TRAPPC9: variants seen among roughly 807,000 people sequenced by gnomAD.
TRAPPC9 encodes the protein IKK2 binding protein.
In TRAPPC9, 83 loss-of-function variants were observed where a neutral mutation model predicts 124.0. The observed-to-expected ratio is 0.67, with a 90% CI of 0.56 to 0.80. The LOEUF is 0.80. TRAPPC9 is among the 30% of genes least tolerant of loss of function. The probability of loss-of-function intolerance (pLI) is 0.00; values close to 1 mark genes in which losing one functional copy is unlikely to be tolerated. For synonymous variants in TRAPPC9, 638 were observed against 617.5 expected, an observed-to-expected ratio of 1.03 and a Z score of -0.49; for missense variants, 1,302 against 1,508.3, an observed-to-expected ratio of 0.86 and a Z score of 2.27.
intron 14 of TRAPPC9, among the ~76,000 whole-genome samples, chr8:140,282,459 C>A (rs13255843): frequency 6.7e-6 from 1 of 149,656 alleles, no homozygotes; most frequent in Non-Finnish European, 1.5e-5. Flanking sequence ...GCCGAGATTG[C>A]GCCACTGCAC....
intron 17 of TRAPPC9, among the ~76,000 whole-genome samples, chr8:140,191,790 A>G (rs1459003042): frequency 6.6e-6 from 1 of 152,212 alleles, no homozygotes; most frequent in Admixed American, 6.5e-5. Flanking sequence ...ATTTCCCCCA[A>G]TAAATACTAT....
intron 19 of TRAPPC9, among the ~76,000 whole-genome samples, chr8:139,951,854 C>T (rs1047957640): frequency 4.6e-5 from 7 of 152,312 alleles, no homozygotes; most frequent in East Asian, 3.9e-4. Context: ...GCTCTTGAAA[C>T]GCTTAAGGCC....
chr8:140,142,157 A>G (rs1233879153), intron 17 of TRAPPC9, among the ~76,000 whole-genome samples: 1 of 152,192 alleles, frequency 6.6e-6, no homozygotes, highest in African/African-American at 2.4e-5. Context: ...TGTTGGGAGG[A>G]AAGGTGCCTA....
chr8:140,308,803 C>T (rs1235256233), intron 10 of TRAPPC9, among the ~76,000 whole-genome samples: 1 of 151,970 alleles, frequency 6.6e-6, no homozygotes, highest in Non-Finnish European at 1.5e-5. Flanking sequence ...ATCACTTGAA[C>T]CCGGGAGGTG....
intron 2 of TRAPPC9, among the ~76,000 whole-genome samples, chr8:140,445,524 G>A (rs990931231): frequency 2.0e-5 from 3 of 152,198 alleles, no homozygotes; most frequent in African/African-American, 7.2e-5. Context: ...GCTGCCAGGA[G>A]AGCAGGGGAG....
At chr8:139,741,083 C>T (rs188207824) in intron 21 of TRAPPC9, among the ~76,000 whole-genome samples, 70 of 152,314 alleles carry the variant, frequency 4.6e-4, no homozygotes, top group Non-Finnish European at 9.3e-4. Context: ...CCTGCCCTAC[C>T]TGCACCCACG....
chr8:140,430,066 G>A (rs1184813695), intron 4 of TRAPPC9, among the ~76,000 whole-genome samples: 1 of 149,970 alleles, frequency 6.7e-6, no homozygotes, highest in African/African-American at 2.5e-5. Context: ...AGAATCACTC[G>A]AACCCGGGAC....
At chr8:140,100,408 G>T (rs1226335591) in intron 17 of TRAPPC9, 2 of 152,244 alleles carry the variant, frequency 1.3e-5, no homozygotes, top group Admixed American at 6.5e-5. Context: ...GGGTACTGAC[G>T]GTCACCCAGG....
intron 17 of TRAPPC9, among the ~76,000 whole-genome samples, chr8:140,033,505 G>T (rs910345336): frequency 1.3e-5 from 2 of 150,564 alleles, no homozygotes; most frequent in Non-Finnish European, 3.0e-5. Flanking sequence ...TCTCGGAGAA[G>T]CCACAAAAAG....
At chr8:140,189,056 A>T (rs912167713) in intron 17 of TRAPPC9, among the ~76,000 whole-genome samples, 3 of 152,240 alleles carry the variant, frequency 2.0e-5, no homozygotes, top group African/African-American at 7.2e-5. Flanking sequence ...CCCATACCAT[A>T]CACAAATATT....
At position 140,275,612 on chromosome 8, in the gene TRAPPC9, A is replaced by G. The variant is rs370721900; in HGVS notation, c.2278+46T>C. On this transcript the variant is annotated intron_variant, in intron 15 of 22. Coordinates refer to ENST00000438773, the MANE Select transcript of TRAPPC9 (RefSeq NM_001160372.4). ...AATTTAAAGTATCTCTTCTACAAGT[A>G]AACAATACAAACATTCCCAGGGTCA... The G allele has an allele frequency of 8.7e-5, 139 of 1,590,476 alleles. 1 individual carries two copies. Among genetic ancestry groups the G allele is most frequent in the Non-Finnish European group, 1.1e-4 (131 of 1,158,694 alleles).
chr8:140,175,666 G>A (rs1487742698), intron 17 of TRAPPC9, among the ~76,000 whole-genome samples: 3 of 152,160 alleles, frequency 2.0e-5, no homozygotes, highest in Non-Finnish European at 2.9e-5. Context: ...GACATCCACG[G>A]GTTTAATCCT....
intron 21 of TRAPPC9, among the ~76,000 whole-genome samples, chr8:139,813,555 G>A (rs1262740905): frequency 2.6e-5 from 4 of 152,244 alleles, no homozygotes; most frequent in African/African-American, 9.6e-5. Context: ...CCTGAACACC[G>A]TTCCCAGCAC....
intron 8 of TRAPPC9, among the ~76,000 whole-genome samples, chr8:140,367,520 G>C (rs534059407): frequency 6.6e-6 from 1 of 152,276 alleles, no homozygotes; most frequent in South Asian, 2.1e-4. Flanking sequence ...ACTCTGGAAA[G>C]GCAAAACTAT....
In TRAPPC9 at chr8:139,907,472, CCT is replaced by C. The variant is rs1175326031; in HGVS notation, c.2964+2673_2964+2674del. 2.7e-5 allele frequency among the ~76,000 whole-genome samples: 4 copies of C among 150,866 alleles called. No homozygotes were observed. The highest frequency in any genetic ancestry group is 5.9e-5 in the Non-Finnish European group (4 of 67,912). On this transcript the variant is annotated intron_variant, in intron 20 of 22. Transcript: ENST00000438773. The surrounding 1 kb of genome is among the most constrained non-coding windows in gnomAD (Gnocchi z 4.7). Reference sequence around the variant, plus strand: ...TTTACAATAGCAAAATTCTGCTATTCCTCTGACACCAGATGTCATCAACAGAT... The same window carrying C: ...TTTACAATAGCAAAATTCTGCTATTCCTGACACCAGATGTCATCAACAGAT...
In TRAPPC9 at chr8:140,311,377, G is replaced by A. The variant is rs942972668; in HGVS notation, c.1496-3C>T. On this transcript the variant is annotated splice_polypyrimidine_tract_variant and splice_region_variant and intron_variant, in intron 9 of 22. Transcript: ENST00000438773. ...GCTTTGGGCCACATCTTTCTTTTCT[G>A]AAGAGAAGATGAAAACAAAATAAAG... The A allele has an allele frequency of 4.3e-6, 7 of 1,613,390 alleles. No homozygotes were observed. Among genetic ancestry groups the A allele is most frequent in the Admixed American group, 1.7e-5 (1 of 59,996 alleles).
intron 6 of TRAPPC9, among the ~76,000 whole-genome samples, chr8:140,400,579 A>G (rs544012524): frequency 2.6e-5 from 4 of 152,306 alleles, no homozygotes; most frequent in African/African-American, 9.6e-5. Flanking sequence ...AGTTCCTATT[A>G]TGGTTCCTGA....
chr8:140,026,665 T>C (rs1840168380), intron 17 of TRAPPC9, among the ~76,000 whole-genome samples: 1 of 152,146 alleles, frequency 6.6e-6, no homozygotes, highest in African/African-American at 2.4e-5. Flanking sequence ...AGTCCTTCAG[T>C]CTCATTTTAA....
chr8:140,045,379 A>G (rs1841519899), intron 17 of TRAPPC9, among the ~76,000 whole-genome samples: 1 of 152,134 alleles, frequency 6.6e-6, no homozygotes, highest in Non-Finnish European at 1.5e-5. Context: ...TAATCCCAGC[A>G]CTTTGGGAGA....
Sources: gnomAD v4.1 joint callset for allele counts (sites outside exome capture counted in the v4.1 genomes callset) on GRCh38, gnomAD v4.1.1 for gene constraint, Gnocchi (gnomAD v3.1) non-coding constraint, MANE v1.5 for transcripts, NCBI Gene and HGNC (gene_info 2026-07-23, HGNC 2026-07-21) for gene names.